KIF26B: variants seen among roughly 807,000 people sequenced by gnomAD.
KIF26B encodes the protein kinesin-like protein KIF26B.
KIF26B carries 63 observed loss-of-function variants against 151.2 expected under a neutral mutation model. The ratio of observed to expected loss-of-function variants is 0.42; its 90% CI spans 0.34 to 0.51. The LOEUF (loss-of-function observed/expected upper bound fraction) is 0.51. Ranked by LOEUF, KIF26B falls within the 20% of genes least tolerant of loss-of-function variation. The probability of loss-of-function intolerance (pLI) is 0.07; values close to 1 mark genes in which losing one functional copy is unlikely to be tolerated. For missense variants in KIF26B, 2,813 were observed against 2,913.6 expected, an observed-to-expected ratio of 0.97 and a Z score of 0.79; for synonymous variants, 1,357 against 1,262.1, an observed-to-expected ratio of 1.08 and a Z score of -1.59.
chr1:245,659,098 C>T lies in KIF26B; in HGVS notation c.2258+12818C>T, dbSNP rs115961608. Among the ~76,000 whole-genome samples the T allele has an allele frequency of 5.1e-3, 775 of 152,156 alleles. 9 individuals are homozygous for T. The highest frequency in any genetic ancestry group is 0.017 in the African/African-American group (726 of 41,506). On this transcript the variant is annotated intron_variant, in intron 10 of 14. Transcript: ENST00000407071. ...AAAATTTAAAAGTATAGTAGCCATGCATAGTGGCGTGTGCCTGTAGTCCCA... is the reference window on the plus strand; with the variant it reads ...AAAATTTAAAAGTATAGTAGCCATGTATAGTGGCGTGTGCCTGTAGTCCCA...
chr1:245,453,663 G>C (rs1659445387), intron 4 of KIF26B, among the ~76,000 whole-genome samples: 1 of 152,096 alleles, frequency 6.6e-6, no homozygotes, highest in Admixed American at 6.6e-5. Flanking sequence ...TTCTATTACA[G>C]TGTTATTTGT....
intron 4 of KIF26B, among the ~76,000 whole-genome samples, chr1:245,533,207 C>A (rs192126201): frequency 3.9e-5 from 6 of 152,244 alleles, no homozygotes; most frequent in Non-Finnish European, 7.4e-5. Context: ...CCATGGCAGC[C>A]CACAGCAGCA....
In KIF26B at chr1:245,210,710, C is replaced by T. The variant is rs143905936; in HGVS notation, c.465+54027C>T. ...AAGCTGGACTCAGAGCCAGGGAGTCCCAGAGCCTGTGGTAGGCCCTGTCCT... is the reference window on the plus strand; with the variant it reads ...AAGCTGGACTCAGAGCCAGGGAGTCTCAGAGCCTGTGGTAGGCCCTGTCCT... On this transcript the variant is annotated intron_variant, in intron 2 of 14. Transcript: ENST00000407071. 1.8e-4 allele frequency among the ~76,000 whole-genome samples: 27 copies of T among 152,150 alleles called. No homozygotes were observed. In the East Asian group the frequency reaches 5.2e-3, roughly 29 times the overall value.
intron 4 of KIF26B, among the ~76,000 whole-genome samples, chr1:245,532,268 C>G (rs1304845497): frequency 9.7e-6 from 1 of 102,866 alleles, no homozygotes; most frequent in Non-Finnish European, 1.8e-5. Context: ...TTTTTTGAGA[C>G]AGAGTCTTGC....
At chr1:245,409,710 TGG>T (rs1674227846) in intron 3 of KIF26B, among the ~76,000 whole-genome samples, 1 of 152,122 alleles carries the variant, frequency 6.6e-6, no homozygotes, top group East Asian at 1.9e-4. Context: ...CATCCTGGCC[TGG>T]GGTGCTGGCT....
At chr1:245,395,935 CA>C (rs573050531) in intron 3 of KIF26B, among the ~76,000 whole-genome samples, 82 of 152,250 alleles carry the variant, frequency 5.4e-4, no homozygotes, top group Non-Finnish European at 8.8e-4. Flanking sequence ...ATCTGTAGAA[CA>C]GGGGGGGAAA....
chr1:245,676,654 C>T (rs980237251), intron 10 of KIF26B, among the ~76,000 whole-genome samples: 1 of 151,974 alleles, frequency 6.6e-6, no homozygotes, highest in Admixed American at 6.5e-5. Flanking sequence ...GCCCAAATTT[C>T]ATCCAGACTT....
At chr1:245,453,282 A>G (rs1202166118) in intron 4 of KIF26B, among the ~76,000 whole-genome samples, 2 of 152,234 alleles carry the variant, frequency 1.3e-5, no homozygotes, top group African/African-American at 4.8e-5. Context: ...AGCATTATTA[A>G]GAGCCATACA....
chr1:245,374,414 C>T (rs895575284), intron 3 of KIF26B, among the ~76,000 whole-genome samples: 12 of 151,858 alleles, frequency 7.9e-5, no homozygotes, highest in Non-Finnish European at 1.5e-4. Flanking sequence ...GAGGTATACA[C>T]GTGCTCTTCC....
chr1:245,596,891 CTTAA>C (rs1206630404), intron 5 of KIF26B, among the ~76,000 whole-genome samples: 2 of 152,156 alleles, frequency 1.3e-5, no homozygotes, highest in Admixed American at 6.5e-5. Context: ...TATGTAACGC[CTTAA>C]TTGTCTTTTT....
intron 4 of KIF26B, among the ~76,000 whole-genome samples, chr1:245,527,991 G>C (rs1661277805): frequency 1.3e-5 from 2 of 152,208 alleles, no homozygotes; most frequent in South Asian, 4.2e-4. Context: ...AAGCAGGCCT[G>C]GGGGTGGGCA....
chr1:245,648,991 G>C (rs2043983260), intron 10 of KIF26B, among the ~76,000 whole-genome samples: 1 of 152,188 alleles, frequency 6.6e-6, no homozygotes, highest in South Asian at 2.1e-4. Context: ...AACTCATCGA[G>C]ACCTTGCTGG....
chr1:245,599,439 G>A (rs911247134), intron 5 of KIF26B, among the ~76,000 whole-genome samples: 5 of 152,298 alleles, frequency 3.3e-5, no homozygotes, highest in East Asian at 1.9e-4. Flanking sequence ...CCGCAGGCTC[G>A]GGATTTCGTT....
intron 14 of KIF26B, among the ~76,000 whole-genome samples, chr1:245,700,002 G>A (rs535420088): frequency 6.6e-6 from 1 of 152,250 alleles, no homozygotes; most frequent in Non-Finnish European, 1.5e-5. Flanking sequence ...CCTTCCACAT[G>A]TAACTGCAGT....
At chr1:245,616,480 A>G (rs943910023) in intron 9 of KIF26B, among the ~76,000 whole-genome samples, 6 of 152,212 alleles carry the variant, frequency 3.9e-5, no homozygotes, top group African/African-American at 1.4e-4. Flanking sequence ...TTCAGATTTC[A>G]GATTGTTTTC....
At chr1:245,444,172 CTAGAGTGGTCATCTCCCTCA>C (rs1659193879) in intron 4 of KIF26B, among the ~76,000 whole-genome samples, 7 of 146,326 alleles carry the variant, frequency 4.8e-5, no homozygotes, top group African/African-American at 1.8e-4. Flanking sequence ...CACTGTTCAC[CTAGAGTGGTCATCTCCCTCA>C]CTGTTCACCT....
At chr1:245,471,632 T>G (rs1482019800) in intron 4 of KIF26B, among the ~76,000 whole-genome samples, 1 of 152,240 alleles carries the variant, frequency 6.6e-6, no homozygotes, top group Non-Finnish European at 1.5e-5. Context: ...CTTCTTGTCA[T>G]ACAGATCTCT....
chr1:245,404,450 G>T (rs902147684), intron 3 of KIF26B, among the ~76,000 whole-genome samples: 1 of 152,052 alleles, frequency 6.6e-6, no homozygotes, highest in African/African-American at 2.4e-5. Context: ...TGCCAATCTC[G>T]CTGGTTCCGG....
intron 2 of KIF26B, among the ~76,000 whole-genome samples, chr1:245,260,328 ACTG>A (rs1339555735): frequency 6.6e-6 from 1 of 152,170 alleles, no homozygotes; most frequent in African/African-American, 2.4e-5. Context: ...CCAGTGCAGT[ACTG>A]AGATATGGAG....
Sources: gnomAD v4.1 joint callset for allele counts (sites outside exome capture counted in the v4.1 genomes callset) on GRCh38, gnomAD v4.1.1 for gene constraint, MANE v1.5 for transcripts, NCBI Gene and HGNC (gene_info 2026-07-23, HGNC 2026-07-21) for gene names.